Variants in AP3M1 observed in about 807,000 individuals in gnomAD.
AP3M1 encodes the protein AP-3 complex subunit mu-1.
Under a neutral mutation model 42.6 loss-of-function variants are expected in AP3M1, and 29 were observed. That is an observed-to-expected ratio of 0.68 (90% CI 0.51 to 0.93). The LOEUF (loss-of-function observed/expected upper bound fraction) is 0.93. AP3M1 is among the 40% of genes least tolerant of loss of function. The pLI is 0.00. For missense variants in AP3M1, 416 were observed against 510.2 expected (o/e 0.82, Z 1.78); for synonymous variants, 178 against 175.3 (o/e 1.02, Z -0.12).
At position 74,134,075 on chromosome 10, in the gene AP3M1, CTTCA is replaced by C; in HGVS notation, c.531_534del (p.Asn177LysfsTer10). 1 of 1,614,116 alleles carries C rather than the reference CTTCA, an allele frequency of 6.2e-7. No homozygotes were observed. The highest frequency in any genetic ancestry group is 8.5e-7 in the Non-Finnish European group (1 of 1,180,010). ...ATTTCTTCAACAACATCAAAATAGG[CTTCA>C]TTGTTTGTGTACTTTACCCCTGCCC... On this transcript the variant is annotated frameshift_variant, in exon 4 of 9. Transcript: ENST00000355264. LOFTEE classifies it high-confidence loss of function.
Position 74,138,139 on chromosome 10 carries a change from C to A in AP3M1, c.241G>T (p.Glu81Ter), listed in dbSNP as rs1489592536. The part of the protein sequence containing the change: ...QTEVPPLFVI[E>*]FLHRVADTFQ... ...GTGTCAGCAACTCGATGTAGGAACT[C>A]AATTACAAAGAGAGGTGGCACTTCG... is the stretch of plus-strand genomic sequence containing the variant. The change falls in exon 2 of 9, where the codon GAG (glutamate) becomes TAG (stop). Residue 81 changes from glutamate to a stop codon, truncating the protein, a stop_gained. Coordinates refer to ENST00000355264, the MANE Select transcript of AP3M1 (RefSeq NM_012095.6). LOFTEE classifies it high-confidence loss of function. 6.2e-7 allele frequency: 1 copy of A among 1,613,948 alleles called. No individual in the cohort carries two copies. The highest frequency in any genetic ancestry group is 1.1e-5 in the South Asian group (1 of 91,032).
At chr10:74,148,312 T>G (rs1841393294) in intron 1 of AP3M1, among the ~76,000 whole-genome samples, 1 of 152,100 alleles carries the variant, frequency 6.6e-6, no homozygotes, top group Admixed American at 6.5e-5. Flanking sequence ...GTCAAAGGGT[T>G]TGCCTTCTCT....
chr10:74,149,941 T>C (rs372445336), intron 1 of AP3M1, among the ~76,000 whole-genome samples: 26 of 152,332 alleles, frequency 1.7e-4, no homozygotes, highest in African/African-American at 5.8e-4. Context: ...TCAATGACTT[T>C]CTAATTATAA....
chr10:74,133,744 T>G (rs1352370171), intron 4 of AP3M1, among the ~76,000 whole-genome samples: 2 of 150,850 alleles, frequency 1.3e-5, no homozygotes, highest in Non-Finnish European at 3.0e-5. Context: ...AACCTCTGCC[T>G]CCTGGGTTCA....
intron 1 of AP3M1, among the ~76,000 whole-genome samples, chr10:74,149,670 C>G (rs902691247): frequency 5.3e-5 from 8 of 152,308 alleles, no homozygotes; most frequent in Middle Eastern, 3.4e-3. Context: ...GTCCCTCTGT[C>G]TTTCCCAAAT....
chr10:74,145,993 AAC>A (rs1195225610), intron 1 of AP3M1, among the ~76,000 whole-genome samples: 1 of 152,230 alleles, frequency 6.6e-6, no homozygotes, highest in African/African-American at 2.4e-5. Flanking sequence ...ATATTCATTC[AAC>A]ACAGAGTTTT....
At chr10:74,135,459 G>A (rs1463177146) in intron 3 of AP3M1, among the ~76,000 whole-genome samples, 2 of 152,008 alleles carry the variant, frequency 1.3e-5, no homozygotes, top group Non-Finnish European at 2.9e-5. Context: ...AATCTGTTAT[G>A]TTTTGCATTA....
chr10:74,149,574 C>G (rs1296365401), intron 1 of AP3M1, among the ~76,000 whole-genome samples: 1 of 151,796 alleles, frequency 6.6e-6, no homozygotes, highest in Non-Finnish European at 1.5e-5. Context: ...AGGCGTGAGC[C>G]ACCGCGCCTG....
intron 4 of AP3M1, among the ~76,000 whole-genome samples, chr10:74,133,228 C>T (rs1010816366): frequency 6.6e-6 from 1 of 152,142 alleles, no homozygotes; most frequent in South Asian, 2.1e-4. Flanking sequence ...AATCCCATCT[C>T]CACCAAAAAC....
At chr10:74,136,366 C>T (rs565401133) in intron 3 of AP3M1, among the ~76,000 whole-genome samples, 1 of 151,278 alleles carries the variant, frequency 6.6e-6, no homozygotes, top group East Asian at 1.9e-4. Flanking sequence ...TTTATTCAGT[C>T]TTAGTATTTA....
intron 1 of AP3M1, among the ~76,000 whole-genome samples, chr10:74,147,245 A>G (rs1266169379): frequency 6.6e-6 from 1 of 152,094 alleles, no homozygotes; most frequent in Non-Finnish European, 1.5e-5. Context: ...AGATGGCGCC[A>G]CTGCACTCTA....
chr10:74,120,703 A>AGAT lies in AP3M1; in HGVS notation c.*3104_*3106dup, dbSNP rs1258502509. 6.6e-6 allele frequency: 1 copy of AGAT among 152,372 alleles called. No homozygotes were observed. The highest frequency in any genetic ancestry group is 1.9e-4 in the East Asian group (1 of 5,184). The allele number at this position is 152,372 out of a possible 1,614,324, so 9.4% of individuals were successfully genotyped here. ...TGGCTAATTTTTGTATTTTTAGTAG[A>AGAT]GATGGAGTTTCACCATGTTGGCCAG... On this transcript the variant is annotated 3_prime_UTR_variant, in exon 9 of 9. Transcript: ENST00000355264.
intron 1 of AP3M1, among the ~76,000 whole-genome samples, chr10:74,143,822 C>T (rs569213414): frequency 1.8e-4 from 28 of 152,332 alleles, no homozygotes; most frequent in South Asian, 6.2e-4. Context: ...CGTTCTAATA[C>T]AGCACTGTCC....
intron 3 of AP3M1, 90 bp from the exon 4 acceptor site, chr10:74,134,254 T>G: frequency 1.4e-6 from 2 of 1,384,386 alleles, no homozygotes; most frequent in Non-Finnish European, 2.0e-6. Flanking sequence ...GCTTCTTCAA[T>G]GTTTGGATTT....
chr10:74,143,209 G>A (rs1330590812), intron 1 of AP3M1, among the ~76,000 whole-genome samples: 2 of 152,160 alleles, frequency 1.3e-5, no homozygotes, highest in East Asian at 3.9e-4. Context: ...AAATTAGCCG[G>A]GCATGGTGGC....
At chr10:74,150,235 G>T (rs1380274263) in intron 1 of AP3M1, 1 of 152,240 alleles carries the variant, frequency 6.6e-6, no homozygotes, top group Non-Finnish European at 1.5e-5. Context: ...ACATAAGGCT[G>T]TAAGTTTCAG....
rs1218836446 is a variant in AP3M1, at chr10:74,136,750, T to C, written c.327A>G (p.Val109=). Residue 109 remains valine (V), a synonymous_variant, in exon 3 of 9, where the codon GTA becomes GTG. Coordinates refer to ENST00000355264, the MANE Select transcript of AP3M1 (RefSeq NM_012095.6). Reference sequence around the variant, plus strand: ...CTAACATTTCTTCTAAGAGTTCATATACTATGACCACATTATCCTTAATTG... The same window carrying C: ...CTAACATTTCTTCTAAGAGTTCATACACTATGACCACATTATCCTTAATTG... ...EAAIKDNVVI[V]YELLEEMLDN... is the part of the protein sequence containing the mutation. 1.3e-6 allele frequency: 2 copies of C among 1,573,526 alleles called. No homozygotes were observed. Among genetic ancestry groups the C allele is most frequent in the African/African-American group, 1.3e-5 (1 of 74,458 alleles).
intron 1 of AP3M1, among the ~76,000 whole-genome samples, chr10:74,148,877 G>GTT (rs1361042773): frequency 6.5e-5 from 9 of 138,704 alleles, no homozygotes; most frequent in Non-Finnish European, 4.8e-5. Flanking sequence ...ATATTGGTTT[G>GTT]TTTTTTTTTT....
chr10:74,138,092 T>C lies in AP3M1; in HGVS notation c.273+15A>G, dbSNP rs1219079560. ...TTGGGTCATTTAACTTAGAAAGGTATGATAGATAACCAACCTGAAAAGTGT... is the reference window on the plus strand; with the variant it reads ...TTGGGTCATTTAACTTAGAAAGGTACGATAGATAACCAACCTGAAAAGTGT... On this transcript the variant is annotated intron_variant, in intron 2 of 8. Coordinates refer to ENST00000355264, the MANE Select transcript of AP3M1 (RefSeq NM_012095.6). The C allele has an allele frequency of 6.8e-6, 11 of 1,609,148 alleles. No homozygotes were observed. In the East Asian group the frequency reaches 2.0e-4, roughly 29 times the overall value.
Sources: gnomAD v4.1 joint callset for allele counts (sites outside exome capture counted in the v4.1 genomes callset) on GRCh38, gnomAD v4.1.1 for gene constraint, MANE v1.5 for transcripts, NCBI Gene and HGNC (gene_info 2026-07-23, HGNC 2026-07-21) for gene names.